MAP4K5: variants seen among roughly 807,000 people sequenced by gnomAD.
MAP4K5 encodes mitogen-activated protein kinase kinase kinase kinase 5, also known as MAPK/ERK kinase kinase kinase 5.
A neutral mutation model predicts 135.6 loss-of-function variants in MAP4K5; 82 were observed. The observed-to-expected ratio is 0.60, with a 90% CI of 0.51 to 0.73. The LOEUF is 0.73. Ranked by LOEUF, MAP4K5 falls within the 30% of genes least tolerant of loss-of-function variation. The probability of loss-of-function intolerance (pLI) is 0.00; values close to 1 mark genes in which losing one functional copy is unlikely to be tolerated. For synonymous variants in MAP4K5, 347 were observed against 335.0 expected (o/e 1.04, Z -0.39); for missense variants, 907 against 1,010.9 (o/e 0.90, Z 1.39).
chr14:50,427,809 G>A (rs896455008), intron 30 of MAP4K5, among the ~76,000 whole-genome samples: 1 of 152,120 alleles, frequency 6.6e-6, no homozygotes, highest in Non-Finnish European at 1.5e-5. Context: ...CGTTGACAAG[G>A]AAGCAAATTA....
intron 5 of MAP4K5, chr14:50,483,142 T>A (rs945869850): frequency 4.4e-4 from 67 of 152,032 alleles, no homozygotes; most frequent in African/African-American, 1.6e-3. Context: ...TTAAAAGGCA[T>A]CATATACTTT....
intron 14 of MAP4K5, among the ~76,000 whole-genome samples, chr14:50,453,838 G>A (rs1413374965): frequency 6.6e-6 from 1 of 152,080 alleles, no homozygotes; most frequent in East Asian, 1.9e-4. Flanking sequence ...AATCTTGAAT[G>A]GTTTGGTTCC....
Position 50,423,145 on chromosome 14 carries a change from ACT to A in MAP4K5, c.2427_2428del (p.Arg809SerfsTer16). The A allele has an allele frequency of 1.3e-6, 2 of 1,575,312 alleles. No individual in the cohort carries two copies. Among genetic ancestry groups the A allele is most frequent in the Non-Finnish European group, 1.7e-6 (2 of 1,150,296 alleles). ...CCTGTCTGATCCTAATAAGCGGAAA[ACT>A]CTTGTTTCATCTGAAATCTCCTGGG... On this transcript the variant is annotated frameshift_variant, in exon 32 of 33. Transcript: ENST00000682126. LOFTEE classifies it high-confidence loss of function.
At chr14:50,532,306 C>T (rs1381434957) in intron 1 of MAP4K5, 142 bp downstream of exon 1, 8 of 425,640 alleles carry the variant, frequency 1.9e-5, no homozygotes, top group East Asian at 1.3e-4. Flanking sequence ...GCCCCGTATC[C>T]CCGTTCGGTC....
chr14:50,438,152 A>C (rs1400257384), intron 23 of MAP4K5, 58 bp from the exon 24 acceptor site: 4 of 694,350 alleles, frequency 5.8e-6, no homozygotes, highest in African/African-American at 1.8e-5. Context: ...AACACACACA[A>C]AAAAACCCTC....
chr14:50,419,926 G>T lies in MAP4K5; in HGVS notation c.*93C>A. The T allele has an allele frequency of 1.2e-6, 1 of 868,506 alleles. No homozygotes were observed. Among genetic ancestry groups the T allele is most frequent in the Non-Finnish European group, 1.9e-6 (1 of 528,350 alleles). 53.8% of individuals were successfully genotyped at this position (868,506 alleles called of 1,614,324 possible). A position where few individuals can be genotyped will look rare whatever the true frequency, so the allele number is the denominator to read the frequency against. Reference sequence around the variant, plus strand: ...TGCAATATAACCCATAATAGTTAAAGCAAATCATAGTGCAGTTTGTATTGA... The same window carrying T: ...TGCAATATAACCCATAATAGTTAAATCAAATCATAGTGCAGTTTGTATTGA... On this transcript the variant is annotated 3_prime_UTR_variant, in exon 33 of 33. Coordinates refer to ENST00000682126, the MANE Select transcript of MAP4K5 (RefSeq NM_006575.6).
intron 1 of MAP4K5, among the ~76,000 whole-genome samples, chr14:50,556,304 C>T (rs1046832105): frequency 6.6e-6 from 1 of 152,158 alleles, no homozygotes; most frequent in Admixed American, 6.5e-5. Context: ...AATCCTTGAA[C>T]TCCTGGGCTC....
chr14:50,543,404 G>A (rs947547178), intron 1 of MAP4K5, among the ~76,000 whole-genome samples: 3 of 152,194 alleles, frequency 2.0e-5, no homozygotes, highest in African/African-American at 7.2e-5. Context: ...ACATATTCTA[G>A]GTAGAGGTTT....
At chr14:50,521,849 G>C (rs1469446662) in intron 2 of MAP4K5, among the ~76,000 whole-genome samples, 2 of 152,082 alleles carry the variant, frequency 1.3e-5, no homozygotes, top group African/African-American at 4.8e-5. Context: ...AACTTGACTA[G>C]TACTTCACGT....
At chr14:50,543,157 C>T (rs116786995) in intron 1 of MAP4K5, among the ~76,000 whole-genome samples, 2,274 of 152,300 alleles carry the variant, frequency 0.015, 49 homozygotes, top group African/African-American at 0.051. Flanking sequence ...AGTGTGCCTA[C>T]GTGACAATAG....
chr14:50,548,536 G>A (rs2038662673), intron 1 of MAP4K5, among the ~76,000 whole-genome samples: 3 of 152,146 alleles, frequency 2.0e-5, no homozygotes, highest in Admixed American at 2.0e-4. Flanking sequence ...TTGAGATGGA[G>A]TCTTGCTCTG....
chr14:50,451,750 G>C (rs1448947862), intron 14 of MAP4K5, among the ~76,000 whole-genome samples: 1 of 151,280 alleles, frequency 6.6e-6, no homozygotes, highest in Admixed American at 6.6e-5. Flanking sequence ...ATAGCTTGTC[G>C]AAAAGCCTCA....
chr14:50,552,734 G>A (rs746634347), intron 1 of MAP4K5, among the ~76,000 whole-genome samples: 4 of 152,064 alleles, frequency 2.6e-5, no homozygotes, highest in Non-Finnish European at 5.9e-5. Context: ...ACTGGTCGTC[G>A]ACAAAACAAA....
chr14:50,466,649 A>G lies in MAP4K5; in HGVS notation c.675-4T>C. On this transcript the variant is annotated splice_polypyrimidine_tract_variant and splice_region_variant and intron_variant, in intron 10 of 32. Transcript: ENST00000682126. ...TTTTGACATTAAGAAGAGAGCCCTG[A>G]AATAAAAATTATAGTTAAAGAACAA... The G allele has an allele frequency of 7.3e-7, 1 of 1,363,274 alleles. No homozygotes were observed. Among genetic ancestry groups the G allele is most frequent in the South Asian group, 1.3e-5 (1 of 79,582 alleles). The allele number at this position is 1,363,274 out of a possible 1,614,324, so 84.4% of individuals were successfully genotyped here. A position where few individuals can be genotyped will look rare whatever the true frequency, so the allele number is the denominator to read the frequency against.
intron 10 of MAP4K5, 50 bp downstream of exon 10, chr14:50,468,601 T>A (rs759078093): frequency 1.3e-6 from 2 of 1,573,206 alleles, no homozygotes; most frequent in South Asian, 2.3e-5. Flanking sequence ...GCATTTCACT[T>A]TCCCCATAGA....
rs534177351 is a variant in MAP4K5 at position 50,503,539 on chromosome 14, C to T, written c.166+1261G>A. 7.2e-5 allele frequency among the ~76,000 whole-genome samples: 11 copies of T among 151,938 alleles called. No homozygotes were observed. The South Asian group carries it at 1.9e-3, about 26-fold the overall frequency. ...TTCTTATGTTAGTTCTAATATATGG[C>T]TTATTGAGAATTCAGAATTGCAGGA... On this transcript the variant is annotated intron_variant, in intron 3 of 32. Transcript: ENST00000682126.
intron 32 of MAP4K5, among the ~76,000 whole-genome samples, chr14:50,420,556 C>T (rs542845158): frequency 5.3e-4 from 81 of 152,198 alleles, no homozygotes; most frequent in African/African-American, 1.9e-3. Flanking sequence ...CCCTTGAGCC[C>T]GGGAGTTTGA....
intron 17 of MAP4K5, 42 bp downstream of exon 17, chr14:50,446,037 T>TTTAAATAATATAG: frequency 7.7e-7 from 1 of 1,303,000 alleles, no homozygotes; most frequent in Non-Finnish European, 1.0e-6. Flanking sequence ...AACTATATTA[T>TTTAAATAATATAG]TTAAATAAGG....
chr14:50,515,392 C>A (rs575481874), intron 2 of MAP4K5, among the ~76,000 whole-genome samples: 157 of 152,238 alleles, frequency 1.0e-3, no homozygotes, highest in Admixed American at 3.2e-3. Flanking sequence ...TTATTCTAGT[C>A]CTCCCATTCC....
Sources: gnomAD v4.1 joint callset for allele counts (sites outside exome capture counted in the v4.1 genomes callset) on GRCh38, gnomAD v4.1.1 for gene constraint, MANE v1.5 for transcripts, NCBI Gene and HGNC (gene_info 2026-07-23, HGNC 2026-07-21) for gene names.